TMEM91: variants seen among roughly 807,000 people sequenced by gnomAD.
The protein encoded by TMEM91 is dispanin subfamily C member 3.
A neutral mutation model predicts 13.3 loss-of-function variants in TMEM91; 6 were observed. That is an observed-to-expected ratio of 0.45 (90% confidence interval 0.25 to 0.89). TMEM91 has a LOEUF of 0.89. Ranked by LOEUF, TMEM91 falls within the 40% of genes least tolerant of loss-of-function variation. TMEM91 has a pLI of 0.19. For synonymous variants in TMEM91, 87 were observed against 101.7 expected (o/e 0.86, Z 0.87); for missense variants, 193 against 228.7 (o/e 0.84, Z 1.01).
rs377493088 is a variant in TMEM91 at position 41,365,100 on chromosome 19, T to C, written c.-30+1005T>C. Among the ~76,000 whole-genome samples the C allele has an allele frequency of 1.9e-3, 286 of 151,928 alleles. 3 individuals carry two copies. Among genetic ancestry groups the C allele is most frequent in the African/African-American group, 6.5e-3 (270 of 41,442 alleles). ...GCTATGTTGCTATGTTGCCCAGTCT[T>C]GTCTTGACCTCCTGGGCTCTAGCTA... On this transcript the variant is annotated intron_variant, in intron 1 of 3. Coordinates refer to the TMEM91 transcript ENST00000413014.
Sources: allele counts gnomAD v4.1 joint callset (sites outside exome capture counted in the v4.1 genomes callset), GRCh38; gene constraint gnomAD v4.1.1; transcripts MANE v1.5; gene names NCBI Gene and HGNC (gene_info 2026-07-23, HGNC 2026-07-21).